The following CBLB variants were observed in gnomAD, a reference collection of about 807,000 sequenced individuals.
CBLB encodes the protein Cbl proto-oncogene B, also known as E3 ubiquitin-protein ligase CBL-B.
Under a neutral mutation model 104.9 loss-of-function variants are expected in CBLB, and 31 were observed. That is an observed-to-expected ratio of 0.30 (90% CI 0.22 to 0.40). The LOEUF (loss-of-function observed/expected upper bound fraction) is 0.40. Among genes scored for constraint, CBLB ranks in the 10% least tolerant of loss-of-function variants. The pLI is 1.00. For synonymous variants in CBLB, 440 were observed against 422.6 expected, an observed-to-expected ratio of 1.04 and a Z score of -0.51; for missense variants, 1,062 against 1,214.6, an observed-to-expected ratio of 0.87 and a Z score of 1.87.
At chr3:105,708,111 T>C (rs189880636) in intron 10 of CBLB, among the ~76,000 whole-genome samples, 2 of 152,226 alleles carry the variant, frequency 1.3e-5, no homozygotes, top group Non-Finnish European at 2.9e-5. Context: ...ATTGACTCCT[T>C]ATCAGCCATT....
chr3:105,814,292 G>A (rs1339319104), intron 3 of CBLB, among the ~76,000 whole-genome samples: 2 of 152,122 alleles, frequency 1.3e-5, no homozygotes, highest in East Asian at 3.8e-4. Flanking sequence ...ACCCAGATAA[G>A]AGGATTTATC....
chr3:105,718,878 A>AT (rs2072331612), intron 10 of CBLB, among the ~76,000 whole-genome samples: 1 of 152,236 alleles, frequency 6.6e-6, no homozygotes, highest in Non-Finnish European at 1.5e-5. Context: ...ATCTTCCTGT[A>AT]CAGGGAATAG....
At chr3:105,724,659 A>T (rs1051177121) in intron 9 of CBLB, among the ~76,000 whole-genome samples, 2 of 152,176 alleles carry the variant, frequency 1.3e-5, no homozygotes, top group Non-Finnish European at 2.9e-5. Context: ...TCGTATCTCT[A>T]TACGAATTCC....
chr3:105,700,302 A>T (rs1403837573), intron 12 of CBLB, among the ~76,000 whole-genome samples: 1 of 152,164 alleles, frequency 6.6e-6, no homozygotes, highest in Non-Finnish European at 1.5e-5. Flanking sequence ...CCGAGACAAG[A>T]TATCTTCAAT....
intron 4 of CBLB, among the ~76,000 whole-genome samples, chr3:105,767,882 C>T (rs1336777260): frequency 6.6e-6 from 1 of 152,164 alleles, no homozygotes; most frequent in African/African-American, 2.4e-5. Context: ...ATGTTGCAGT[C>T]AGAACCTGTC....
At chr3:105,863,993 C>T (rs1215279521) in intron 2 of CBLB, among the ~76,000 whole-genome samples, 2 of 152,278 alleles carry the variant, frequency 1.3e-5, no homozygotes, top group East Asian at 3.9e-4. Flanking sequence ...AGGAACCTCA[C>T]ATTAATAAAT....
chr3:105,813,691 T>G (rs909238209), intron 3 of CBLB, among the ~76,000 whole-genome samples: 1 of 152,166 alleles, frequency 6.6e-6, no homozygotes, highest in Non-Finnish European at 1.5e-5. Flanking sequence ...TAGATATATA[T>G]TTTTTGTGAT....
At chr3:105,859,625 A>G (rs1181517764) in intron 2 of CBLB, among the ~76,000 whole-genome samples, 3 of 144,092 alleles carry the variant, frequency 2.1e-5, no homozygotes, top group Admixed American at 7.3e-5. Context: ...ACTGCACTCC[A>G]GCACTCCAAC....
At chr3:105,819,779 A>G (rs915945085) in intron 3 of CBLB, among the ~76,000 whole-genome samples, 2 of 152,140 alleles carry the variant, frequency 1.3e-5, no homozygotes, top group African/African-American at 4.8e-5. Flanking sequence ...TCCTATTATT[A>G]TATGGAAAAA....
intron 3 of CBLB, among the ~76,000 whole-genome samples, chr3:105,786,980 C>T (rs1003516459): frequency 6.6e-6 from 1 of 152,060 alleles, no homozygotes; most frequent in Non-Finnish European, 1.5e-5. Context: ...CAAGAGAACA[C>T]TAATTTAGAT....
chr3:105,850,200 G>T (rs191391910), intron 3 of CBLB, among the ~76,000 whole-genome samples: 2 of 152,054 alleles, frequency 1.3e-5, no homozygotes, highest in Admixed American at 1.3e-4. Context: ...AATTGAGAGA[G>T]AAAATTATAA....
At chr3:105,683,991 C>A (rs1277963963) in intron 14 of CBLB, among the ~76,000 whole-genome samples, 3 of 152,200 alleles carry the variant, frequency 2.0e-5, no homozygotes, top group Non-Finnish European at 4.4e-5. Flanking sequence ...CATTTCCTAC[C>A]TCAGTGAGAT....
intron 1 of CBLB, chr3:105,868,358 C>T (rs1389422235): frequency 1.2e-5 from 6 of 508,466 alleles, no homozygotes; most frequent in Non-Finnish European, 1.8e-5. Flanking sequence ...TGTCCCTTCC[C>T]TGCTCAGGCC....
chr3:105,724,076 A>G (rs2073264819), intron 9 of CBLB: 2 of 173,318 alleles, frequency 1.2e-5, no homozygotes, highest in African/African-American at 2.4e-5. Context: ...TTTTTTAAAC[A>G]TAGCAATTAT....
intron 2 of CBLB, among the ~76,000 whole-genome samples, chr3:105,855,586 G>A (rs1439904747): frequency 6.6e-6 from 1 of 152,050 alleles, no homozygotes; most frequent in Non-Finnish European, 1.5e-5. Context: ...AATACCTGAG[G>A]TGCCCACAAT....
intron 2 of CBLB, among the ~76,000 whole-genome samples, chr3:105,862,157 GAAATCTCTGA>G (rs1560578294): frequency 6.6e-6 from 1 of 151,846 alleles, no homozygotes; most frequent in Non-Finnish European, 1.5e-5. Flanking sequence ...TTCTTCCTCC[GAAATCTCTGA>G]CAGTTATATA....
intron 9 of CBLB, among the ~76,000 whole-genome samples, chr3:105,726,320 A>G (rs974405923): frequency 5.3e-5 from 8 of 152,198 alleles, no homozygotes; most frequent in African/African-American, 1.9e-4. Context: ...GTAAATTACT[A>G]TTTTGAATAC....
chr3:105,678,985 G>A (rs1242559578), intron 16 of CBLB, among the ~76,000 whole-genome samples: 1 of 152,044 alleles, frequency 6.6e-6, no homozygotes, highest in Non-Finnish European at 1.5e-5. Context: ...CCTTTAACTG[G>A]AAAATCACCT....
chr3:105,676,717 G>A lies in CBLB; in HGVS notation c.2569+1714C>T, dbSNP rs531815857. 2.0e-5 allele frequency among the ~76,000 whole-genome samples: 3 copies of A among 152,318 alleles called. No homozygotes were observed. In the East Asian group the frequency reaches 5.8e-4, roughly 29 times the overall value. ...ATAAAAGCCCAAGCAGTTATGATAT[G>A]GTTTGGCTCTGTGTCCCCACTCAAA... On this transcript the variant is annotated intron_variant, in intron 17 of 18. Transcript: ENST00000394030.
Sources: gnomAD v4.1 joint callset for allele counts (sites outside exome capture counted in the v4.1 genomes callset) on GRCh38, gnomAD v4.1.1 for gene constraint, MANE v1.5 for transcripts, NCBI Gene and HGNC (gene_info 2026-07-23, HGNC 2026-07-21) for gene names.